The following ANKMY1 variants were observed in gnomAD, a reference collection of about 807,000 sequenced individuals.
The protein encoded by ANKMY1 is ankyrin repeat and MYND domain containing 1.
In ANKMY1, 98 loss-of-function variants were observed where a neutral mutation model predicts 102.0. That is an observed-to-expected ratio of 0.96 (90% CI 0.82 to 1.14). The LOEUF (loss-of-function observed/expected upper bound fraction) is 1.14. Ranked by LOEUF, ANKMY1 falls within the 50% of genes most tolerant of loss-of-function variation. The probability of loss-of-function intolerance (pLI) is 0.00; values close to 1 mark genes in which losing one functional copy is unlikely to be tolerated. For synonymous variants in ANKMY1, 582 were observed against 559.9 expected, an observed-to-expected ratio of 1.04 and a Z score of -0.56; for missense variants, 1,330 against 1,347.6, an observed-to-expected ratio of 0.99 and a Z score of 0.20.
intron 8 of ANKMY1, chr2:240,522,895 A>G (rs2082590876): frequency 2.6e-5 from 4 of 152,222 alleles, no homozygotes; most frequent in African/African-American, 9.6e-5. Context: ...TATTCACTTG[A>G]AAATGTAAAT....
At chr2:240,550,965 T>A (rs2091414651) in intron 4 of ANKMY1, among the ~76,000 whole-genome samples, 2 of 152,116 alleles carry the variant, frequency 1.3e-5, no homozygotes, top group Admixed American at 6.5e-5. Flanking sequence ...TTTGGGGGAG[T>A]TCCTGAAAAG....
downstream of ANKMY1, among the ~76,000 whole-genome samples, chr2:240,476,134 TAC>T (rs1180276924): frequency 2.6e-5 from 4 of 152,164 alleles, no homozygotes; most frequent in Non-Finnish European, 5.9e-5. Flanking sequence ...AACAATATGA[TAC>T]AGTCATAAAA....
chr2:240,559,826 CG>C (rs1258011857), upstream of ANKMY1, among the ~76,000 whole-genome samples: 1 of 152,208 alleles, frequency 6.6e-6, no homozygotes, highest in Non-Finnish European at 1.5e-5. Flanking sequence ...AAAGCAATGA[CG>C]ATAACCCAGA....
rs1282703611 is a variant in ANKMY1 at position 240,553,076 on chromosome 2, G to T, written c.337-19C>A. On this transcript the variant is annotated intron_variant, in intron 3 of 17. Transcript: ENST00000401804. Reference sequence around the variant, plus strand: ...GGTATGACTGTGAGATGGAGAAGTTGGTGAGAAATTGCTGCTCTTCCAGAA... The same window carrying T: ...GGTATGACTGTGAGATGGAGAAGTTTGTGAGAAATTGCTGCTCTTCCAGAA... 6.2e-7 allele frequency: 1 copy of T among 1,610,268 alleles called. No homozygotes were observed. Among genetic ancestry groups the T allele is most frequent in the East Asian group, 2.2e-5 (1 of 44,806 alleles).
intron 8 of ANKMY1, among the ~76,000 whole-genome samples, chr2:240,521,035 C>T (rs1307967790): frequency 6.6e-6 from 1 of 152,088 alleles, no homozygotes; most frequent in Non-Finnish European, 1.5e-5. Context: ...AAAGGCTGGC[C>T]AGGTCAGGAG....
intron 4 of ANKMY1, among the ~76,000 whole-genome samples, chr2:240,533,739 ACAC>A (rs2086031228): frequency 6.6e-6 from 1 of 152,020 alleles, no homozygotes; most frequent in Non-Finnish European, 1.5e-5. Context: ...ACACACACAC[ACAC>A]ACACACACAC....
downstream of ANKMY1, among the ~76,000 whole-genome samples, chr2:240,475,058 C>G (rs978820792): frequency 6.6e-6 from 1 of 152,208 alleles, no homozygotes; most frequent in Admixed American, 6.5e-5. Context: ...ATATGCATTC[C>G]CTTTTCTCTG....
rs1416341060 is a variant in ANKMY1, at chr2:240,526,432, G to C, written c.967C>G (p.His323Asp). The change falls in exon 6 of 18, where the codon CAC becomes GAC. Residue 323 changes from histidine (H) to aspartate (D), a missense_variant. Transcript: ENST00000401804. Reference protein sequence around the residue: ...QTYKFRNKPAHTSWNMGAILE... With the variant: ...QTYKFRNKPADTSWNMGAILE... ...ATGGCGCCCATGTTCCAGCTGGTGT[G>C]AGCTGGCTTGTTCCTGGCAACACAA... 3 of 1,614,134 alleles carry C rather than the reference G, an allele frequency of 1.9e-6. No individual in the cohort carries two copies. The highest frequency in any genetic ancestry group is 1.6e-4 in the Middle Eastern group (1 of 6,062).
intron 16 of ANKMY1, 117 bp downstream of exon 16, chr2:240,482,066 T>A (rs902083144): frequency 1.7e-6 from 2 of 1,173,240 alleles, no homozygotes; most frequent in African/African-American, 3.1e-5. Context: ...CCATGCCACT[T>A]GGGGGTCAGA....
chr2:240,532,027 T>C (rs2152445303), intron 4 of ANKMY1: 1 of 447,624 alleles, frequency 2.2e-6, no homozygotes, highest in Non-Finnish European at 4.6e-6. Context: ...CTAACATACC[T>C]GCAATTCGAG....
Position 240,520,578 on chromosome 2 carries a change from T to G in ANKMY1, c.1833-45A>C, listed in dbSNP as rs1559309977. On this transcript the variant is annotated intron_variant, in intron 8 of 17. Coordinates refer to ENST00000401804, the MANE Select transcript of ANKMY1 (RefSeq NM_001282771.3). The surrounding 1 kb of genome is among the most constrained non-coding windows in gnomAD (Gnocchi z 4.8). Reference sequence around the variant, plus strand: ...CGTGGGCCCCTGGAGGGCAGGCACCTGCACTGCGCCCAGAACGGGGCCATG... The same window carrying G: ...CGTGGGCCCCTGGAGGGCAGGCACCGGCACTGCGCCCAGAACGGGGCCATG... The G allele has an allele frequency of 6.4e-7, 1 of 1,570,716 alleles. No homozygotes were observed.
chr2:240,509,546 T>C lies in ANKMY1; in HGVS notation c.2287-91A>G. ...ATTAATTTAAATGCCATGAAATCAA[T>C]GTAGTCACTCAACGGCTACTTCCTG... On this transcript the variant is annotated intron_variant, in intron 11 of 17. Transcript: ENST00000401804. The C allele has an allele frequency of 6.6e-6, 6 of 911,638 alleles. No individual in the cohort carries two copies. The South Asian group carries it at 1.0e-4, about 16-fold the overall frequency. The allele number at this position is 911,638 out of a possible 1,614,324, so 56.5% of individuals were successfully genotyped here. A position where few individuals can be genotyped will look rare whatever the true frequency, so the allele number is the denominator to read the frequency against.
downstream of ANKMY1, among the ~76,000 whole-genome samples, chr2:240,478,228 A>G (rs981179666): frequency 1.8e-4 from 28 of 151,434 alleles, no homozygotes; most frequent in Admixed American, 5.3e-4. Context: ...AGCCAATTAA[A>G]CCTCCTTTCT....
chr2:240,523,951 G>A lies in ANKMY1; in HGVS notation c.1766C>T (p.Ser589Leu), dbSNP rs753004543. ...AQSHSLLKMA[S>L]PSPCTSSFDK... ...GAAGCTGCTGGTGCACGGTGAGGGC[G>A]AGGCCATCTTCAGCAAGCTGTGGGA... Residue 589 changes from serine (S) to leucine (L), a missense_variant, in exon 8 of 18, where the codon TCG becomes TTG. Ser to Leu is a moderately radical substitution (Grantham distance 145, BLOSUM62 -2). Transcript: ENST00000401804. The A allele has an allele frequency of 6.5e-5, 105 of 1,613,664 alleles. No homozygotes were observed. Among genetic ancestry groups the A allele is most frequent in the Admixed American group, 2.7e-4 (16 of 60,016 alleles).
intron 15 of ANKMY1, among the ~76,000 whole-genome samples, chr2:240,488,051 G>A (rs1475674926): frequency 3.9e-5 from 6 of 152,076 alleles, no homozygotes; most frequent in African/African-American, 7.2e-5. Flanking sequence ...TCTTTGCCTA[G>A]ATCAATGTCC....
intron 15 of ANKMY1, among the ~76,000 whole-genome samples, chr2:240,482,561 T>C (rs1487982413): frequency 6.6e-6 from 1 of 152,268 alleles, no homozygotes; most frequent in Non-Finnish European, 1.5e-5. Flanking sequence ...CCCCTTTGGG[T>C]TCTTCTTAAA....
intron 15 of ANKMY1, among the ~76,000 whole-genome samples, chr2:240,489,270 A>G (rs947365931): frequency 6.6e-6 from 1 of 152,132 alleles, no homozygotes; most frequent in African/African-American, 2.4e-5. Context: ...CCTGGCCAAC[A>G]TGGCAAAACC....
At chr2:240,539,869 G>A (rs1411741000) in intron 4 of ANKMY1, among the ~76,000 whole-genome samples, 1 of 152,196 alleles carries the variant, frequency 6.6e-6, no homozygotes, top group Non-Finnish European at 1.5e-5. Flanking sequence ...TGTGTGCTTA[G>A]CCATAGCAGG....
intron 8 of ANKMY1, 40 bp downstream of exon 8, chr2:240,523,845 T>G (rs1267689340): frequency 1.3e-6 from 2 of 1,594,618 alleles, no homozygotes; most frequent in East Asian, 2.2e-5. Context: ...TCAGCCCTGA[T>G]GGTGGCCCTC....
Sources: allele counts gnomAD v4.1 joint callset (sites outside exome capture counted in the v4.1 genomes callset), GRCh38; gene constraint gnomAD v4.1.1; non-coding constraint Gnocchi (gnomAD v3.1); transcripts MANE v1.5; gene names NCBI Gene and HGNC (gene_info 2026-07-23, HGNC 2026-07-21).